The following BEAN1 variants were observed in gnomAD, a reference collection of about 807,000 sequenced individuals.
BEAN1 encodes the protein brain expressed associated with NEDD4 1.
Under a neutral mutation model 17.7 loss-of-function variants are expected in BEAN1, and 17 were observed. That is an observed-to-expected ratio of 0.96 (90% CI 0.66 to 1.44). The LOEUF (loss-of-function observed/expected upper bound fraction) is 1.44, where lower values mean the gene tolerates loss of function less well. Among genes scored for constraint, BEAN1 ranks in the 40% most tolerant of loss-of-function variants. The pLI is 0.00. For missense variants in BEAN1, 359 were observed against 374.1 expected (o/e 0.96, Z 0.33); for synonymous variants, 142 against 151.8 (o/e 0.94, Z 0.47).
At chr16:66,437,533 G>A in intron 1 of BEAN1, 62 bp from the exon 2 acceptor site, 1 of 980,988 alleles carries the variant, frequency 1.0e-6, no homozygotes, top group Non-Finnish European at 1.5e-6. Context: ...TGAGCGCCCA[G>A]CCTGCAGGGG....
chr16:66,443,796 T>G (rs573212988), intron 2 of BEAN1, among the ~76,000 whole-genome samples: 57 of 152,250 alleles, frequency 3.7e-4, no homozygotes, highest in African/African-American at 1.3e-3. Context: ...TGCCTCAGCC[T>G]CCCGAGCAGC....
Position 66,471,588 on chromosome 16 carries a change from G to A in BEAN1, c.289+1723G>A, listed in dbSNP as rs1028146384. Among the ~76,000 whole-genome samples, 2 of 152,264 alleles carry A rather than the reference G, an allele frequency of 1.3e-5. No homozygotes were observed. Among genetic ancestry groups the A allele is most frequent in the Non-Finnish European group, 2.9e-5 (2 of 68,050 alleles). Reference sequence around the variant, plus strand: ...AGCTGTTAGGAGAATCAGAAGAGCAGGAGGCTGGACCTTGTGTAAGACACA... The same window carrying A: ...AGCTGTTAGGAGAATCAGAAGAGCAAGAGGCTGGACCTTGTGTAAGACACA... On this transcript the variant is annotated intron_variant, in intron 3 of 4. Transcript: ENST00000536005. The surrounding 1 kb of genome is among the most constrained non-coding windows in gnomAD (Gnocchi z 4.7).
intron 2 of BEAN1, among the ~76,000 whole-genome samples, chr16:66,448,205 G>A (rs888671406): frequency 7.4e-6 from 1 of 134,934 alleles, no homozygotes; most frequent in African/African-American, 2.9e-5. Flanking sequence ...GATGCTCTAG[G>A]GTTTGCTGTT....
chr16:66,468,179 C>A, intron 2 of BEAN1, among the ~76,000 whole-genome samples: 1 of 152,202 alleles, frequency 6.6e-6, no homozygotes, highest in East Asian at 1.9e-4. Context: ...CCTGCCATTT[C>A]CCCATCTGGT....
intron 2 of BEAN1, among the ~76,000 whole-genome samples, chr16:66,466,172 A>G (rs1212565805): frequency 6.6e-6 from 1 of 152,078 alleles, no homozygotes; most frequent in African/African-American, 2.4e-5. Context: ...GCTCACACCT[A>G]TGGTCCCAAT....
intron 2 of BEAN1, among the ~76,000 whole-genome samples, chr16:66,442,441 T>G (rs1049180090): frequency 2.6e-5 from 4 of 152,064 alleles, no homozygotes; most frequent in Non-Finnish European, 5.9e-5. Context: ...AAGTCTGTAG[T>G]AAAGCAGGAA....
At chr16:66,472,066 G>GCTCTTCC (rs1227760998) in intron 3 of BEAN1, among the ~76,000 whole-genome samples, 1 of 152,172 alleles carries the variant, frequency 6.6e-6, no homozygotes, top group Non-Finnish European at 1.5e-5. Context: ...CTTTGCCTGG[G>GCTCTTCC]CTCTTCCCTC....
At chr16:66,489,408 C>A (rs1477100959) in intron 4 of BEAN1, among the ~76,000 whole-genome samples, 2 of 152,216 alleles carry the variant, frequency 1.3e-5, no homozygotes, top group African/African-American at 4.8e-5. Flanking sequence ...ATCATGCCAA[C>A]TCTTAGCATT....
intron 2 of BEAN1, among the ~76,000 whole-genome samples, chr16:66,465,971 CCTGG>C (rs1462381248): frequency 6.6e-6 from 1 of 152,250 alleles, no homozygotes; most frequent in East Asian, 1.9e-4. Flanking sequence ...TGCCACCACA[CCTGG>C]CTAACTTTTT....
rs1179814264 is a variant in BEAN1, at chr16:66,427,301, C to T, written c.-213C>T. 2 of 150,564 alleles carry T rather than the reference C, an allele frequency of 1.3e-5. No homozygotes were observed. Among genetic ancestry groups the T allele is most frequent in the Non-Finnish European group, 3.0e-5 (2 of 67,528 alleles). 9.3% of individuals were successfully genotyped at this position (150,564 alleles called of 1,614,324 possible). A position where few individuals can be genotyped will look rare whatever the true frequency, so the allele number is the denominator to read the frequency against. ...GCGTAGCGGCGCGCCCCCCGCGACG[C>T]CCGAGCCCGAGCGCAGTGGCCTCCG... On this transcript the variant is annotated 5_prime_UTR_variant, in exon 1 of 5. Coordinates refer to ENST00000536005, the MANE Select transcript of BEAN1 (RefSeq NM_001178020.3). The surrounding 1 kb of genome is among the most constrained non-coding windows in gnomAD (Gnocchi z 4.7).
chr16:66,494,327 C>T (rs900163237), downstream of BEAN1, among the ~76,000 whole-genome samples: 4 of 152,154 alleles, frequency 2.6e-5, no homozygotes, highest in African/African-American at 7.2e-5. Context: ...GCCCTGCCAT[C>T]GATGGCTTGT....
chr16:66,469,070 G>A (rs1963364653), intron 2 of BEAN1, among the ~76,000 whole-genome samples: 1 of 152,048 alleles, frequency 6.6e-6, no homozygotes, highest in South Asian at 2.1e-4. Context: ...CCTCTTCTGG[G>A]AAACCTTCTC....
intron 2 of BEAN1, among the ~76,000 whole-genome samples, chr16:66,440,562 AAGAGCAGGGATTC>A (rs1373893045): frequency 6.6e-6 from 1 of 152,104 alleles, no homozygotes; most frequent in Non-Finnish European, 1.5e-5. Flanking sequence ...GCAGTGGTGG[AAGAGCAGGGATTC>A]TCCCTGCACC....
intron 2 of BEAN1, among the ~76,000 whole-genome samples, chr16:66,459,924 G>A (rs1450352587): frequency 6.6e-6 from 1 of 152,230 alleles, no homozygotes; most frequent in African/African-American, 2.4e-5. Flanking sequence ...TGGATCCCAC[G>A]ATTGGGCTGT....
At chr16:66,443,637 G>A (rs770282469) in intron 2 of BEAN1, among the ~76,000 whole-genome samples, 1 of 152,044 alleles carries the variant, frequency 6.6e-6, no homozygotes, top group African/African-American at 2.4e-5. Context: ...GTGAGTACTC[G>A]GCATTTGATA....
chr16:66,441,191 T>C (rs1453521807), intron 2 of BEAN1, among the ~76,000 whole-genome samples: 1 of 152,168 alleles, frequency 6.6e-6, no homozygotes, highest in Admixed American at 6.5e-5. Context: ...TCAGTGTTTA[T>C]TGAGCAACTG....
At chr16:66,472,821 A>AC (rs1455381603) in intron 3 of BEAN1, among the ~76,000 whole-genome samples, 2 of 151,954 alleles carry the variant, frequency 1.3e-5, no homozygotes, top group Non-Finnish European at 2.9e-5. Flanking sequence ...GGAGTTTGAG[A>AC]CCAGCCTGGG....
intron 1 of BEAN1, among the ~76,000 whole-genome samples, chr16:66,429,062 G>C (rs910263728): frequency 6.6e-6 from 1 of 152,080 alleles, no homozygotes; most frequent in Admixed American, 6.5e-5. Context: ...CTCGAGCTCC[G>C]TACAAGGGAA....
At chr16:66,467,527 T>C (rs956391686) in intron 2 of BEAN1, among the ~76,000 whole-genome samples, 7 of 152,142 alleles carry the variant, frequency 4.6e-5, no homozygotes, top group Non-Finnish European at 7.4e-5. Context: ...CAAGATTCAA[T>C]TACCTCCACC....
Sources: gnomAD v4.1 joint callset for allele counts (sites outside exome capture counted in the v4.1 genomes callset) on GRCh38, gnomAD v4.1.1 for gene constraint, Gnocchi (gnomAD v3.1) non-coding constraint, MANE v1.5 for transcripts, NCBI Gene and HGNC (gene_info 2026-07-23, HGNC 2026-07-21) for gene names.